Variants in SOAT1 observed in about 807,000 individuals in gnomAD.
The protein encoded by SOAT1 is acyl-coenzyme A:cholesterol acyltransferase 1.
Under a neutral mutation model 69.5 loss-of-function variants are expected in SOAT1, and 55 were observed. The observed-to-expected ratio is 0.79, with a 90% CI of 0.64 to 0.99. The LOEUF (loss-of-function observed/expected upper bound fraction) is 0.99. Ranked by LOEUF, SOAT1 falls within the 50% of genes least tolerant of loss-of-function variation. SOAT1 has a pLI of 0.00. For missense variants in SOAT1, 580 were observed against 669.3 expected, an observed-to-expected ratio of 0.87 and a Z score of 1.47; for synonymous variants, 231 against 224.7, an observed-to-expected ratio of 1.03 and a Z score of -0.25.
intron 11 of SOAT1, 87 bp downstream of exon 11, chr1:179,345,163 A>C (rs1666484659): frequency 3.7e-6 from 5 of 1,353,654 alleles, no homozygotes; most frequent in Non-Finnish European, 5.2e-6. Flanking sequence ...TGCTTTGCCT[A>C]CTTTTTCATC....
chr1:179,336,870 C>G (rs1666176043), intron 4 of SOAT1, among the ~76,000 whole-genome samples: 1 of 152,066 alleles, frequency 6.6e-6, no homozygotes, highest in South Asian at 2.1e-4. Context: ...TGGCAAGTGC[C>G]TATAATCCCA....
chr1:179,334,886 A>G (rs1666093004), intron 3 of SOAT1, among the ~76,000 whole-genome samples: 1 of 151,948 alleles, frequency 6.6e-6, no homozygotes, highest in Non-Finnish European at 1.5e-5. Flanking sequence ...GTGGTGGCGC[A>G]TGCCTGTAAT....
chr1:179,323,323 C>T, intron 2 of SOAT1, 114 bp from the exon 3 acceptor site: 1 of 777,642 alleles, frequency 1.3e-6, no homozygotes. Flanking sequence ...TATGGTTGCA[C>T]CACAGTTTAC....
In SOAT1 at chr1:179,351,434, A is replaced by G. The variant is rs1463340717; in HGVS notation, c.1568A>G (p.Tyr523Cys). Residue 523 changes from tyrosine (Y) to cysteine (C), a missense_variant, in exon 15 of 16, where the codon TAT (tyrosine) becomes TGT (cysteine). Transcript: ENST00000367619. ...CTCTGCTTTTATTCTCAAGAATGGT[A>G]TGCACGTCAGCACTGTCCTCTGAAA... ...VLLCFYSQEWYARQHCPLKNP... is the reference protein window; with the variant it reads ...VLLCFYSQEWCARQHCPLKNP... 3.1e-6 allele frequency: 5 copies of G among 1,613,960 alleles called. No individual in the cohort carries two copies. Among genetic ancestry groups the G allele is most frequent in the African/African-American group, 2.7e-5 (2 of 74,916 alleles).
chr1:179,358,246 A>C lies in SOAT1; in HGVS notation c.*4605A>C, dbSNP rs1295207880. On this transcript the variant is annotated 3_prime_UTR_variant, in exon 16 of 16. Transcript: ENST00000367619. ...TCAAGCATATTATTAAAGTTTAAAAAACTCTAAAACTTCTGTACTGTTTTT... is the reference window on the plus strand; with the variant it reads ...TCAAGCATATTATTAAAGTTTAAAACACTCTAAAACTTCTGTACTGTTTTT... 6.6e-6 allele frequency: 1 copy of C among 152,182 alleles called. No individual in the cohort carries two copies. Among genetic ancestry groups the C allele is most frequent in the Non-Finnish European group, 1.5e-5 (1 of 68,040 alleles). 9.4% of individuals were successfully genotyped at this position (152,182 alleles called of 1,614,324 possible). A position where few individuals can be genotyped will look rare whatever the true frequency, so the allele number is the denominator to read the frequency against.
chr1:179,351,951 C>G (rs1358563716), intron 15 of SOAT1, among the ~76,000 whole-genome samples: 1 of 151,954 alleles, frequency 6.6e-6, no homozygotes, highest in Non-Finnish European at 1.5e-5. Context: ...ATCTCCTGAC[C>G]TCATGATCCG....
At chr1:179,313,744 C>T (rs1665300633) in intron 2 of SOAT1, among the ~76,000 whole-genome samples, 1 of 152,106 alleles carries the variant, frequency 6.6e-6, no homozygotes, top group South Asian at 2.1e-4. Context: ...GCCACCACGC[C>T]TGGCTAATTT....
intron 2 of SOAT1, among the ~76,000 whole-genome samples, chr1:179,321,158 G>A (rs1210348138): frequency 1.3e-5 from 2 of 151,816 alleles, no homozygotes; most frequent in Non-Finnish European, 2.9e-5. Flanking sequence ...CGCCTGCCTC[G>A]GCCTCCCAAA....
At chr1:179,340,094 A>G (rs1010654472) in intron 6 of SOAT1, among the ~76,000 whole-genome samples, 1 of 152,242 alleles carries the variant, frequency 6.6e-6, no homozygotes, top group Admixed American at 6.5e-5. Context: ...GGATAACTGT[A>G]TATGACTTAT....
intron 3 of SOAT1, among the ~76,000 whole-genome samples, chr1:179,326,870 T>C (rs1486559082): frequency 6.6e-6 from 1 of 152,144 alleles, no homozygotes. Flanking sequence ...AATTGCAATG[T>C]TTCTGAACAA....
chr1:179,345,507 C>T (rs529121789), intron 11 of SOAT1, among the ~76,000 whole-genome samples: 1 of 152,100 alleles, frequency 6.6e-6, no homozygotes, highest in South Asian at 2.1e-4. Flanking sequence ...AAGTTGACCT[C>T]CATGAAGCAT....
chr1:179,300,091 T>C (rs1664785875), intron 1 of SOAT1, among the ~76,000 whole-genome samples: 1 of 152,002 alleles, frequency 6.6e-6, no homozygotes, highest in Non-Finnish European at 1.5e-5. Context: ...CTTTAAACTT[T>C]TGCTATATGC....
At position 179,351,432 on chromosome 1, in the gene SOAT1, G is replaced by T; in HGVS notation, c.1566G>T (p.Trp522Cys). 1.9e-6 allele frequency: 3 copies of T among 1,614,060 alleles called. No individual in the cohort carries two copies. The highest frequency in any genetic ancestry group is 1.3e-5 in the African/African-American group (1 of 75,028). ...TACTCTGCTTTTATTCTCAAGAATG[G>T]TATGCACGTCAGCACTGTCCTCTGA... ...GVLLCFYSQE[W>C]YARQHCPLKN... Residue 522 changes from tryptophan (W) to cysteine (C), a missense_variant, in exon 15 of 16, where the codon TGG becomes TGT. By Grantham distance (215) the Trp-to-Cys change is radical. Coordinates refer to ENST00000367619, the MANE Select transcript of SOAT1 (RefSeq NM_003101.6).
Position 179,321,909 on chromosome 1 carries a change from G to A in SOAT1, c.119-1528G>A, listed in dbSNP as rs551832559. 2.1e-3 allele frequency among the ~76,000 whole-genome samples: 319 copies of A among 151,118 alleles called. 1 individual carries two copies. Among genetic ancestry groups the A allele is most frequent in the African/African-American group, 7.6e-3 (313 of 41,186 alleles). ...CTTTCCTTTTTTTTTTTGAGACAGG[G>A]TCTCACTGTGTTGCCCAGGCTGGAG... On this transcript the variant is annotated intron_variant, in intron 2 of 15. Transcript: ENST00000367619.
chr1:179,325,223 C>T (rs1665743605), intron 3 of SOAT1, among the ~76,000 whole-genome samples: 1 of 148,286 alleles, frequency 6.7e-6, no homozygotes, highest in Non-Finnish European at 1.5e-5. Context: ...GATCTCGGCT[C>T]ACTGCAAGCT....
chr1:179,295,637 A>G (rs1356164250), intron 1 of SOAT1, among the ~76,000 whole-genome samples: 2 of 152,230 alleles, frequency 1.3e-5, no homozygotes, highest in South Asian at 2.1e-4. Context: ...ACAGAGTACA[A>G]TAAGACATTT....
chr1:179,344,669 C>A (rs528656817), intron 10 of SOAT1, among the ~76,000 whole-genome samples: 85 of 152,172 alleles, frequency 5.6e-4, no homozygotes, highest in African/African-American at 2.0e-3. Flanking sequence ...CCACTGTGCC[C>A]GGCCATGTTA....
intron 2 of SOAT1, among the ~76,000 whole-genome samples, chr1:179,315,214 G>A (rs914350574): frequency 1.3e-5 from 2 of 152,170 alleles, no homozygotes; most frequent in Non-Finnish European, 2.9e-5. Flanking sequence ...AGAGGCCAAG[G>A]CATGAGGATT....
Position 179,351,412 on chromosome 1 carries a change from T to G in SOAT1, c.1546T>G (p.Cys516Gly). 1 of 1,614,178 alleles carries G rather than the reference T, an allele frequency of 6.2e-7. No homozygotes were observed. The highest frequency in any genetic ancestry group is 8.5e-7 in the Non-Finnish European group (1 of 1,180,008). ...SLFLGNGVLL[C>G]FYSQEWYARQ... Reference sequence around the variant, plus strand: ...TTTCTTGGGCAATGGAGTCTTACTCTGCTTTTATTCTCAAGAATGGTATGC... The same window carrying G: ...TTTCTTGGGCAATGGAGTCTTACTCGGCTTTTATTCTCAAGAATGGTATGC... Residue 516 changes from cysteine to glycine, a missense_variant, in exon 15 of 16, where the codon TGC becomes GGC. Transcript: ENST00000367619.
Sources: gnomAD v4.1 joint callset for allele counts (sites outside exome capture counted in the v4.1 genomes callset) on GRCh38, gnomAD v4.1.1 for gene constraint, MANE v1.5 for transcripts, NCBI Gene and HGNC (gene_info 2026-07-23, HGNC 2026-07-21) for gene names.